Variants in CNKSR2 observed in about 807,000 individuals in gnomAD.
CNKSR2 encodes connector enhancer of kinase suppressor of Ras 2.
CNKSR2 carries 14 observed loss-of-function variants against 84.4 expected under a neutral mutation model. The observed-to-expected ratio is 0.17, with a 90% confidence interval of 0.11 to 0.26. The LOEUF is 0.26. Among genes scored for constraint, CNKSR2 ranks in the 10% least tolerant of loss-of-function variants. CNKSR2 has a pLI of 1.00. For missense variants in CNKSR2, 485 were observed against 771.2 expected (o/e 0.63, Z 4.40); for synonymous variants, 275 against 277.9 (o/e 0.99, Z 0.10).
intron 19 of CNKSR2, among the ~76,000 whole-genome samples, chrX:21,607,399 G>C (rs1378246033): frequency 9.0e-6 from 1 of 111,628 alleles, no homozygotes; most frequent in Non-Finnish European, 1.9e-5. Context: ...ACTGTACTTT[G>C]ATCTTTTAAT....
chrX:21,609,526 A>G lies in CNKSR2; in HGVS notation c.2601A>G (p.Pro867=), dbSNP rs756835758. 1.7e-6 allele frequency: 2 copies of G among 1,211,087 alleles called. No individual in the cohort carries two copies. Among genetic ancestry groups the G allele is most frequent in the Non-Finnish European group, 2.2e-6 (2 of 895,432 alleles). The change falls in exon 20 of 22, where the codon CCA becomes CCG. Residue 867 remains proline (P), a synonymous_variant. Transcript: ENST00000379510. ...CLNAPVSACD[P]QDDVQPPEVE... ...ATGCTCCAGTTAGTGCCTGTGACCC[A>G]CAGGATGACGTGCAACCCCCAGAGG...
At chrX:21,386,018 CAA>C (rs1179082753) in intron 1 of CNKSR2, among the ~76,000 whole-genome samples, 2 of 20,460 alleles carry the variant, frequency 9.8e-5, no homozygotes, top group African/African-American at 1.5e-4. Flanking sequence ...TGGATGTAGG[CAA>C]AAAAAAAAAA....
At chrX:21,461,699 A>G (rs1035146918) in intron 4 of CNKSR2, among the ~76,000 whole-genome samples, 45 of 112,181 alleles carry the variant, frequency 4.0e-4, no homozygotes, top group African/African-American at 1.4e-3. Context: ...ATCCATTTTT[A>G]TTTGAATTTT....
At chrX:21,475,674 C>T (rs2091253220) in intron 5 of CNKSR2, among the ~76,000 whole-genome samples, 1 of 110,908 alleles carries the variant, frequency 9.0e-6, no homozygotes, top group Admixed American at 9.7e-5. Flanking sequence ...AAACCCTACC[C>T]CTAAATCTTT....
intron 18 of CNKSR2, among the ~76,000 whole-genome samples, chrX:21,604,180 A>G (rs1229950143): frequency 9.0e-6 from 1 of 111,554 alleles, no homozygotes; most frequent in Non-Finnish European, 1.9e-5. Flanking sequence ...TAGTGTAAGA[A>G]AAAAAATTAA....
At position 21,609,192 on chromosome X, in the gene CNKSR2, C is replaced by T; in HGVS notation, c.2267C>T (p.Ser756Phe). 1 of 1,211,159 alleles carries T rather than the reference C, an allele frequency of 8.3e-7. No homozygotes were observed. Among genetic ancestry groups the T allele is most frequent in the Middle Eastern group, 2.3e-4 (1 of 4,352 alleles). Residue 756 changes from serine (S) to phenylalanine (F), a missense_variant, in exon 20 of 22, where the codon TCT (serine) becomes TTT (phenylalanine). Physicochemically the swap from Ser to Phe is radical, Grantham distance 155. Transcript: ENST00000379510. ...GAAGTAACTGGGAGCAGTGCAGTGT[C>T]TCCCATTCGCAAGACAGCCAGTCAG... ...RQEVTGSSAV[S>F]PIRKTASQRR...
At chrX:21,496,205 G>A (rs1225347525) in intron 6 of CNKSR2, among the ~76,000 whole-genome samples, 2 of 111,877 alleles carry the variant, frequency 1.8e-5, no homozygotes, top group Non-Finnish European at 3.8e-5. Flanking sequence ...TCACATGACT[G>A]TATTTTAAGA....
intron 11 of CNKSR2, among the ~76,000 whole-genome samples, chrX:21,558,403 A>G (rs924207579): frequency 3.6e-5 from 4 of 111,071 alleles, no homozygotes; most frequent in Admixed American, 1.9e-4. Context: ...TTTTATTTGC[A>G]TTGCTGAATC....
At chrX:21,428,256 A>G (rs1311304554) in intron 2 of CNKSR2, 2 of 112,030 alleles carry the variant, frequency 1.8e-5, no homozygotes, top group Non-Finnish European at 3.8e-5. Context: ...AGAGAAGCAT[A>G]ATTTTTCTCT....
At chrX:21,553,542 A>G (rs1569238817) in intron 11 of CNKSR2, among the ~76,000 whole-genome samples, 1 of 110,359 alleles carries the variant, frequency 9.1e-6, no homozygotes, top group Non-Finnish European at 1.9e-5. Context: ...TACAAAAAAA[A>G]AAAAACTTTG....
chrX:21,483,754 A>G (rs2091348829), intron 5 of CNKSR2, among the ~76,000 whole-genome samples: 1 of 109,833 alleles, frequency 9.1e-6, no homozygotes, highest in Non-Finnish European at 1.9e-5. Context: ...GGGAACCATC[A>G]TAAGAGTGCA....
rs750288764 is a variant in CNKSR2 at position 21,584,819 on chromosome X, G to A, written c.1609-5753G>A. On this transcript the variant is annotated intron_variant, in intron 13 of 21. Coordinates refer to ENST00000379510, the MANE Select transcript of CNKSR2 (RefSeq NM_014927.5). Reference sequence around the variant, plus strand: ...GGTAACAGGGGACCAGATCATGTAGGGCCTTCAAGTCATTGAAAGGATATA... The same window carrying A: ...GGTAACAGGGGACCAGATCATGTAGAGCCTTCAAGTCATTGAAAGGATATA... Among the ~76,000 whole-genome samples the A allele has an allele frequency of 3.3e-3, 367 of 111,295 alleles. 2 individuals carry two copies. Among genetic ancestry groups the A allele is most frequent in the African/African-American group, 0.011 (338 of 30,647 alleles).
chrX:21,574,522 A>G (rs1437910386), intron 13 of CNKSR2, among the ~76,000 whole-genome samples: 1 of 111,964 alleles, frequency 8.9e-6, no homozygotes, highest in Non-Finnish European at 1.9e-5. Context: ...ACATGGTGAC[A>G]GCCAAGAGTG....
chrX:21,501,238 ATATC>A (rs770814403), intron 7 of CNKSR2, among the ~76,000 whole-genome samples: 1 of 110,820 alleles, frequency 9.0e-6, no homozygotes, highest in East Asian at 2.8e-4. Flanking sequence ...TTTATAATAA[ATATC>A]TATATATTAT....
intron 3 of CNKSR2, among the ~76,000 whole-genome samples, chrX:21,433,348 T>TTTG (rs948923029): frequency 1.8e-5 from 2 of 111,638 alleles, no homozygotes; most frequent in African/African-American, 6.5e-5. Context: ...TTGACTTTCA[T>TTTG]TTGTTTTGGA....
intron 11 of CNKSR2, among the ~76,000 whole-genome samples, chrX:21,545,087 A>G (rs1018703727): frequency 5.4e-5 from 6 of 111,417 alleles, no homozygotes; most frequent in East Asian, 2.9e-4. Context: ...CAAGGGATCT[A>G]GCTCAGTGGA....
At chrX:21,401,743 A>G (rs1431591859) in intron 1 of CNKSR2, among the ~76,000 whole-genome samples, 2 of 111,780 alleles carry the variant, frequency 1.8e-5, no homozygotes, top group Non-Finnish European at 3.8e-5. Flanking sequence ...TTCTGGAAGG[A>G]ACAAAGAAAC....
rs1428496555 is a variant in CNKSR2, at chrX:21,465,458, ATG to A, written c.520-5306_520-5305del. 6.3e-5 allele frequency among the ~76,000 whole-genome samples: 7 copies of A among 111,681 alleles called. No homozygotes were observed. The Admixed American group carries it at 6.7e-4, about 11-fold the overall frequency. On this transcript the variant is annotated intron_variant, in intron 4 of 21. Transcript: ENST00000379510. ...CATTGCTTAAATTAACCCCTTAGGC[ATG>A]TAAAGACATTTTGATAATAATAGAA...
intron 5 of CNKSR2, 87 bp downstream of exon 5, chrX:21,470,894 A>G (rs2091189857): frequency 2.2e-6 from 1 of 446,492 alleles, no homozygotes; most frequent in African/African-American, 2.5e-5. Flanking sequence ...AAAAAAATCT[A>G]CTGACCACAT....
Sources: gnomAD v4.1 joint callset for allele counts (sites outside exome capture counted in the v4.1 genomes callset) on GRCh38, gnomAD v4.1.1 for gene constraint, MANE v1.5 for transcripts, NCBI Gene and HGNC (gene_info 2026-07-23, HGNC 2026-07-21) for gene names.